Variants in PRKN observed in about 807,000 individuals in gnomAD.
PRKN encodes parkin RBR E3 ubiquitin protein ligase.
In PRKN, 56 loss-of-function variants were observed where a neutral mutation model predicts 59.5. That is an observed-to-expected ratio of 0.94 (90% CI 0.76 to 1.18). The LOEUF (loss-of-function observed/expected upper bound fraction) is 1.18, where lower values mean the gene tolerates loss of function less well. Ranked by LOEUF, PRKN falls within the 50% of genes most tolerant of loss-of-function variation. The probability of loss-of-function intolerance (pLI) is 0.00; values close to 1 mark genes in which losing one functional copy is unlikely to be tolerated. For synonymous variants in PRKN, 250 were observed against 222.1 expected (o/e 1.13, Z -1.12); for missense variants, 657 against 596.4 (o/e 1.10, Z -1.06).
intron 4 of PRKN, among the ~76,000 whole-genome samples, chr6:162,140,215 T>G (rs1313260421): frequency 1.3e-5 from 2 of 152,236 alleles, no homozygotes; most frequent in Admixed American, 1.3e-4. Context: ...TTTAGTTTCC[T>G]GTTTAAAATT....
chr6:162,687,464 G>A (rs1028221307), intron 1 of PRKN, among the ~76,000 whole-genome samples: 9 of 151,948 alleles, frequency 5.9e-5, no homozygotes, highest in South Asian at 2.1e-4. Context: ...GATTACCGTC[G>A]TAAGCCACCG....
At chr6:162,411,940 C>A (rs1328534990) in intron 2 of PRKN, among the ~76,000 whole-genome samples, 1 of 152,112 alleles carries the variant, frequency 6.6e-6, no homozygotes, top group Non-Finnish European at 1.5e-5. Context: ...ACTCCCTTTG[C>A]TTTAAACACA....
chr6:162,253,702 G>C (rs1779528813), intron 3 of PRKN, among the ~76,000 whole-genome samples: 1 of 151,898 alleles, frequency 6.6e-6, no homozygotes, highest in African/African-American at 2.4e-5. Flanking sequence ...CACCAAAATT[G>C]TAATGATGCC....
chr6:162,127,613 A>T (rs1781174538), intron 4 of PRKN, among the ~76,000 whole-genome samples: 1 of 152,230 alleles, frequency 6.6e-6, no homozygotes, highest in Admixed American at 6.5e-5. Context: ...GAAAAGAAAC[A>T]TTGTAATAAA....
chr6:162,294,102 A>C lies in PRKN; in HGVS notation c.172-31337T>G, dbSNP rs111317008. On this transcript the variant is annotated intron_variant, in intron 2 of 11. Coordinates refer to ENST00000366898, the MANE Select transcript of PRKN (RefSeq NM_004562.3). ...CAGAAGGGGCCATGCAACCCGGCTG[A>C]ATAGAGAGGCATCATTGGGAGGCAG... Among the ~76,000 whole-genome samples, 168 of 105,046 alleles carry C rather than the reference A, an allele frequency of 1.6e-3. 6 individuals are homozygous for C. The highest frequency in any genetic ancestry group is 9.4e-3 in the African/African-American group (160 of 16,948). The allele number at this position is 105,046 out of a possible 152,430, so 68.9% of individuals were successfully genotyped here.
chr6:162,418,829 C>A, intron 2 of PRKN, among the ~76,000 whole-genome samples: 1 of 151,752 alleles, frequency 6.6e-6, no homozygotes, highest in Non-Finnish European at 1.5e-5. Context: ...TGTCAGCAGA[C>A]CACTGCAGCC....
In PRKN at chr6:161,803,173, A is replaced by T. The variant is rs149669622; in HGVS notation, c.735-17265T>A. ...CCAAACACTTGAGTTACTTTTCCAC[A>T]ATTGCCTCTGCTGGTTCAACCCAAC... On this transcript the variant is annotated intron_variant, in intron 6 of 11. Transcript: ENST00000366898. Among the ~76,000 whole-genome samples, 52 of 152,234 alleles carry T rather than the reference A, an allele frequency of 3.4e-4. No individual in the cohort carries two copies. The East Asian group carries it at 9.5e-3, about 28-fold the overall frequency.
At chr6:162,301,901 GCTACAGTCACAAATGTATTTCCAA>G (rs1781977121) in intron 2 of PRKN, among the ~76,000 whole-genome samples, 1 of 151,452 alleles carries the variant, frequency 6.6e-6, no homozygotes. Context: ...TCTTATTTGT[GCTACAGTCACAAATGTATTTCCAA>G]CTACCTACGC....
chr6:162,490,963 G>A lies in PRKN; in HGVS notation c.8-47490C>T, dbSNP rs575180495. ...ACCCTGGCCAACATGGCAAAACCTG[G>A]TGTCTACTAAAAATACAAAAATTAG... On this transcript the variant is annotated intron_variant, in intron 1 of 11. Transcript: ENST00000366898. Among the ~76,000 whole-genome samples, 14 of 152,234 alleles carry A rather than the reference G, an allele frequency of 9.2e-5. No homozygotes were observed. The South Asian group carries it at 2.7e-3, about 29-fold the overall frequency.
At chr6:162,454,290 T>G (rs529284000) in intron 1 of PRKN, among the ~76,000 whole-genome samples, 1 of 152,210 alleles carries the variant, frequency 6.6e-6, no homozygotes, top group Non-Finnish European at 1.5e-5. Flanking sequence ...AAGAAAAGTG[T>G]TCCCAATGGA....
At chr6:162,704,542 C>T (rs1778271803) in intron 1 of PRKN, among the ~76,000 whole-genome samples, 2 of 152,144 alleles carry the variant, frequency 1.3e-5, no homozygotes, top group South Asian at 4.2e-4. Flanking sequence ...TCACTGATGC[C>T]TTAAAATGTC....
At chr6:161,945,714 C>T (rs955905849) in intron 6 of PRKN, among the ~76,000 whole-genome samples, 2 of 152,170 alleles carry the variant, frequency 1.3e-5, no homozygotes, top group East Asian at 3.8e-4. Context: ...CTCTCTACCC[C>T]CTACCTTTCA....
At chr6:162,245,245 A>G (rs918995416) in intron 3 of PRKN, among the ~76,000 whole-genome samples, 2 of 152,092 alleles carry the variant, frequency 1.3e-5, no homozygotes, top group Non-Finnish European at 2.9e-5. Flanking sequence ...GTGGAAATAC[A>G]AAGAATTTCT....
In PRKN at chr6:162,443,374, A is replaced by AC; in HGVS notation, c.106dup (p.Val36GlyfsTer4). 1 of 1,613,656 alleles carries AC rather than the reference A, an allele frequency of 6.2e-7. No individual in the cohort carries two copies. The highest frequency in any genetic ancestry group is 8.5e-7 in the Non-Finnish European group (1 of 1,180,004). On this transcript the variant is annotated frameshift_variant, in exon 2 of 12. Transcript: ENST00000366898. LOFTEE classifies it high-confidence loss of function. ...AATCACACGCAACTGGTCAGCCGGA[A>AC]CCCCCTGTCGCTTAGCAACCACCTC...
At chr6:161,598,741 T>C (rs1370847735) in intron 7 of PRKN, among the ~76,000 whole-genome samples, 2 of 152,212 alleles carry the variant, frequency 1.3e-5, no homozygotes, top group East Asian at 3.9e-4. Context: ...GCAGATAGAT[T>C]AGTAAACTCT....
intron 9 of PRKN, among the ~76,000 whole-genome samples, chr6:161,510,268 G>C (rs1402384678): frequency 2.0e-5 from 3 of 152,170 alleles, no homozygotes; most frequent in Non-Finnish European, 4.4e-5. Context: ...TTGATGCTTT[G>C]TAATAACTCA....
chr6:161,790,496 T>C (rs1168511352), intron 6 of PRKN, among the ~76,000 whole-genome samples: 1 of 152,178 alleles, frequency 6.6e-6, no homozygotes, highest in Non-Finnish European at 1.5e-5. Context: ...TCCAAAATGA[T>C]GGTGTTAGAA....
chr6:161,750,848 C>G (rs1230883397), intron 7 of PRKN, among the ~76,000 whole-genome samples: 1 of 151,392 alleles, frequency 6.6e-6, no homozygotes, highest in African/African-American at 2.4e-5. Context: ...GTATGACCAT[C>G]ATAGAGCAAG....
intron 5 of PRKN, among the ~76,000 whole-genome samples, chr6:162,033,031 G>A (rs1783700218): frequency 6.6e-6 from 1 of 152,140 alleles, no homozygotes; most frequent in Non-Finnish European, 1.5e-5. Flanking sequence ...TTTTATTCTT[G>A]GTTTAGAGAA....
Sources: gnomAD v4.1 joint callset for allele counts (sites outside exome capture counted in the v4.1 genomes callset) on GRCh38, gnomAD v4.1.1 for gene constraint, MANE v1.5 for transcripts, NCBI Gene and HGNC (gene_info 2026-07-23, HGNC 2026-07-21) for gene names.